Variants in ELMO1 observed in about 807,000 individuals in gnomAD.
The protein encoded by ELMO1 is engulfment and cell motility protein 1.
A neutral mutation model predicts 98.9 loss-of-function variants in ELMO1; 26 were observed. The ratio of observed to expected loss-of-function variants is 0.26; its 90% confidence interval spans 0.19 to 0.36. The LOEUF (loss-of-function observed/expected upper bound fraction) is 0.36. ELMO1 is among the 10% of genes least tolerant of loss of function. The pLI is 1.00. For missense variants in ELMO1, 627 were observed against 935.2 expected (o/e 0.67, Z 4.30); for synonymous variants, 346 against 346.0 (o/e 1.00, Z 0.00).
At chr7:36,905,345 GTGC>G (rs1310183484) in intron 16 of ELMO1, among the ~76,000 whole-genome samples, 1 of 152,128 alleles carries the variant, frequency 6.6e-6, no homozygotes, top group Non-Finnish European at 1.5e-5. Context: ...AACTCCTGGG[GTGC>G]TGCTTTCTTG....
chr7:37,023,024 T>C (rs894399371), intron 15 of ELMO1, among the ~76,000 whole-genome samples: 1 of 152,208 alleles, frequency 6.6e-6, no homozygotes, highest in African/African-American at 2.4e-5. Context: ...CCATAGGATA[T>C]GATCCTATTT....
At chr7:37,034,783 T>C (rs1795086985) in intron 15 of ELMO1, among the ~76,000 whole-genome samples, 1 of 152,180 alleles carries the variant, frequency 6.6e-6, no homozygotes, top group Non-Finnish European at 1.5e-5. Context: ...TTGTCCAATA[T>C]GGAAAGAACT....
At chr7:37,052,245 A>G (rs1332484615) in intron 15 of ELMO1, among the ~76,000 whole-genome samples, 1 of 152,194 alleles carries the variant, frequency 6.6e-6, no homozygotes, top group Non-Finnish European at 1.5e-5. Flanking sequence ...CAGACAGGCC[A>G]AGTTCATCCG....
At chr7:36,868,005 A>G (rs1449076715) in intron 20 of ELMO1, among the ~76,000 whole-genome samples, 1 of 152,170 alleles carries the variant, frequency 6.6e-6, no homozygotes, top group East Asian at 1.9e-4. Context: ...TAGTCTATTA[A>G]TGTCAATTAG....
intron 5 of ELMO1, among the ~76,000 whole-genome samples, chr7:37,266,979 C>T (rs1035551919): frequency 4.1e-5 from 6 of 146,764 alleles, no homozygotes; most frequent in African/African-American, 1.5e-4. Flanking sequence ...TGCCACTATA[C>T]TCCAGCCTGG....
At chr7:37,069,441 A>C (rs1797155377) in intron 15 of ELMO1, among the ~76,000 whole-genome samples, 1 of 152,330 alleles carries the variant, frequency 6.6e-6, no homozygotes, top group South Asian at 2.1e-4. Context: ...TGTATGAGGC[A>C]GGGGAAAAAT....
At chr7:36,927,398 CTT>C (rs1225916058) in intron 16 of ELMO1, among the ~76,000 whole-genome samples, 1 of 152,216 alleles carries the variant, frequency 6.6e-6, no homozygotes, top group African/African-American at 2.4e-5. Context: ...CGACAGAACA[CTT>C]TTACGTGTTA....
At chr7:37,390,187 C>T (rs1803007353) in intron 1 of ELMO1, among the ~76,000 whole-genome samples, 1 of 152,206 alleles carries the variant, frequency 6.6e-6, no homozygotes, top group African/African-American at 2.4e-5. Flanking sequence ...GTGCCTCCAC[C>T]CTAAATCTGT....
At chr7:37,411,582 C>G (rs570793387) in intron 1 of ELMO1, among the ~76,000 whole-genome samples, 2 of 152,216 alleles carry the variant, frequency 1.3e-5, no homozygotes, top group South Asian at 2.1e-4. Flanking sequence ...TTCATACAGT[C>G]TACAGAAATG....
chr7:37,420,044 T>G (rs1804404863), intron 1 of ELMO1, among the ~76,000 whole-genome samples: 2 of 152,150 alleles, frequency 1.3e-5, no homozygotes, highest in Non-Finnish European at 2.9e-5. Context: ...AAGGAGGATG[T>G]TTTCACGATT....
At chr7:37,162,800 C>A (rs1458454207) in intron 13 of ELMO1, among the ~76,000 whole-genome samples, 4 of 152,118 alleles carry the variant, frequency 2.6e-5, no homozygotes. Context: ...AGGTTACATG[C>A]AAAGCTGGTT....
intron 16 of ELMO1, among the ~76,000 whole-genome samples, chr7:36,948,538 C>A (rs1453127044): frequency 6.6e-6 from 1 of 152,194 alleles, no homozygotes; most frequent in Non-Finnish European, 1.5e-5. Context: ...ACAGCTACTA[C>A]CCCTCCACAG....
At chr7:37,374,611 T>C (rs750551193) in intron 1 of ELMO1, among the ~76,000 whole-genome samples, 2 of 151,736 alleles carry the variant, frequency 1.3e-5, no homozygotes, top group Non-Finnish European at 2.9e-5. Flanking sequence ...ATTAGCCAGG[T>C]GTGGTGGCAC....
At chr7:37,094,448 C>G (rs1256333498) in intron 15 of ELMO1, among the ~76,000 whole-genome samples, 1 of 152,196 alleles carries the variant, frequency 6.6e-6, no homozygotes, top group Admixed American at 6.5e-5. Flanking sequence ...CTACTCTACA[C>G]CTGCCAGAGG....
intron 1 of ELMO1, among the ~76,000 whole-genome samples, chr7:37,355,427 T>C (rs950452544): frequency 2.0e-5 from 3 of 152,238 alleles, no homozygotes; most frequent in African/African-American, 7.2e-5. Flanking sequence ...GAAGCCACAC[T>C]GCATGAGAAT....
intron 13 of ELMO1, among the ~76,000 whole-genome samples, chr7:37,138,756 G>A (rs138218303): frequency 1.2e-4 from 18 of 152,060 alleles, no homozygotes; most frequent in Admixed American, 4.6e-4. Flanking sequence ...CAAAAACCAG[G>A]GAAGGACATC....
intron 4 of ELMO1, among the ~76,000 whole-genome samples, chr7:37,293,245 A>G (rs1400146861): frequency 6.0e-5 from 8 of 134,306 alleles, no homozygotes; most frequent in Admixed American, 5.1e-4. Flanking sequence ...AGAATGGGCC[A>G]TGATGACAAT....
At chr7:37,184,778 G>A (rs1431418097) in intron 13 of ELMO1, among the ~76,000 whole-genome samples, 2 of 151,890 alleles carry the variant, frequency 1.3e-5, no homozygotes, top group Non-Finnish European at 2.9e-5. Context: ...CCCTGGTGTG[G>A]TGGCATGTTA....
chr7:36,889,374 G>A (rs193277618), intron 17 of ELMO1, among the ~76,000 whole-genome samples: 1 of 152,284 alleles, frequency 6.6e-6, no homozygotes, highest in Non-Finnish European at 1.5e-5. Context: ...AATGGACTCA[G>A]TAAATTGCAG....
Sources: gnomAD v4.1 joint callset for allele counts (sites outside exome capture counted in the v4.1 genomes callset) on GRCh38, gnomAD v4.1.1 for gene constraint, MANE v1.5 for transcripts, NCBI Gene and HGNC (gene_info 2026-07-23, HGNC 2026-07-21) for gene names.